MEGF11: variants seen among roughly 807,000 people sequenced by gnomAD.
The protein encoded by MEGF11 is multiple EGF like domains 11.
Under a neutral mutation model 146.6 loss-of-function variants are expected in MEGF11, and 126 were observed. The observed-to-expected ratio is 0.86, with a 90% CI of 0.74 to 1.00. The LOEUF is 1.00. Among genes scored for constraint, MEGF11 ranks in the 50% least tolerant of loss-of-function variants. The probability of loss-of-function intolerance (pLI) is 0.00; values close to 1 mark genes in which losing one functional copy is unlikely to be tolerated. For synonymous variants in MEGF11, 532 were observed against 583.4 expected (o/e 0.91, Z 1.27); for missense variants, 1,509 against 1,521.2 (o/e 0.99, Z 0.13).
chr15:66,145,176 G>C (rs1354583371), intron 1 of MEGF11, among the ~76,000 whole-genome samples: 1 of 152,110 alleles, frequency 6.6e-6, no homozygotes, highest in African/African-American at 2.4e-5. Context: ...CCAGAGCCTC[G>C]AGGTCTCCAC....
At chr15:66,046,821 A>G (rs994239945) in intron 5 of MEGF11, among the ~76,000 whole-genome samples, 1 of 152,086 alleles carries the variant, frequency 6.6e-6, no homozygotes, top group Non-Finnish European at 1.5e-5. Flanking sequence ...GTCCCTTATC[A>G]TATTTTTCCC....
At chr15:66,004,072 T>G (rs1031293905) in intron 5 of MEGF11, among the ~76,000 whole-genome samples, 15 of 152,150 alleles carry the variant, frequency 9.9e-5, no homozygotes, top group African/African-American at 3.6e-4. Context: ...ACTCAATATC[T>G]TGGAGCTGAG....
At chr15:66,096,734 G>A (rs1016952318) in intron 4 of MEGF11, among the ~76,000 whole-genome samples, 5 of 152,126 alleles carry the variant, frequency 3.3e-5, no homozygotes, top group Non-Finnish European at 5.9e-5. Flanking sequence ...TGAGAAGGAA[G>A]ACCACCCAAT....
chr15:66,024,172 C>T (rs751494820), intron 5 of MEGF11, among the ~76,000 whole-genome samples: 27 of 152,342 alleles, frequency 1.8e-4, no homozygotes, highest in Non-Finnish European at 3.1e-4. Flanking sequence ...GTACCCAAAC[C>T]AAAAGCTGGA....
chr15:66,148,055 C>T (rs1046431462), intron 1 of MEGF11, among the ~76,000 whole-genome samples: 6 of 151,930 alleles, frequency 3.9e-5, no homozygotes, highest in Non-Finnish European at 5.9e-5. Context: ...GGGAAAAGGC[C>T]GAAGCCATCT....
At chr15:66,150,615 T>TGGAAGGAAGGAAGGAAGGAA (rs139546795) in intron 1 of MEGF11, among the ~76,000 whole-genome samples, 2,753 of 146,476 alleles carry the variant, frequency 0.019, 51 homozygotes, top group Middle Eastern at 0.038. Context: ...GACTTATTAG[T>TGGAAGGAAGGAAGGAAGGAA]GGAAGGAAGG....
chr15:66,231,792 G>A (rs2091972669), intron 1 of MEGF11, among the ~76,000 whole-genome samples: 1 of 152,180 alleles, frequency 6.6e-6, no homozygotes, highest in Admixed American at 6.5e-5. Context: ...GTGACGACTT[G>A]GGTCATGGAA....
chr15:66,236,866 G>T (rs555028495), intron 1 of MEGF11, among the ~76,000 whole-genome samples: 6 of 152,294 alleles, frequency 3.9e-5, no homozygotes, highest in African/African-American at 1.4e-4. Flanking sequence ...GCCAAGATGG[G>T]CGGCCCGCTG....
intron 5 of MEGF11, among the ~76,000 whole-genome samples, chr15:65,993,368 C>T (rs1334336146): frequency 1.3e-5 from 2 of 152,198 alleles, no homozygotes; most frequent in African/African-American, 2.4e-5. Flanking sequence ...CCTCCACCCA[C>T]AGGCTTTTAA....
chr15:66,197,022 CA>C (rs1262833704), intron 1 of MEGF11, among the ~76,000 whole-genome samples: 1 of 152,200 alleles, frequency 6.6e-6, no homozygotes, highest in Non-Finnish European at 1.5e-5. Context: ...CCTTTTGTCA[CA>C]TAAACTATGT....
intron 10 of MEGF11, among the ~76,000 whole-genome samples, chr15:65,934,278 T>C (rs983160436): frequency 3.9e-5 from 6 of 152,202 alleles, no homozygotes; most frequent in African/African-American, 1.2e-4. Flanking sequence ...TGAGTCGGAG[T>C]TTCGCTCTTG....
At chr15:66,204,398 C>G (rs2091246997) in intron 1 of MEGF11, among the ~76,000 whole-genome samples, 1 of 151,918 alleles carries the variant, frequency 6.6e-6, no homozygotes, top group African/African-American at 2.4e-5. Context: ...GAACAAGACC[C>G]TGTCTCAAAA....
intron 5 of MEGF11, among the ~76,000 whole-genome samples, chr15:66,091,369 G>A (rs757003829): frequency 6.6e-6 from 1 of 152,184 alleles, no homozygotes; most frequent in African/African-American, 2.4e-5. Context: ...TTTAAGCAGA[G>A]CTCACTTTTC....
chr15:65,917,767 A>G (rs2079049062), intron 16 of MEGF11, among the ~76,000 whole-genome samples, 199 bp downstream of exon 16: 1 of 152,240 alleles, frequency 6.6e-6, no homozygotes, highest in Non-Finnish European at 1.5e-5. Context: ...AGTACCTTTG[A>G]TACCAGCAGT....
At chr15:66,031,664 G>A (rs1250266694) in intron 5 of MEGF11, among the ~76,000 whole-genome samples, 1 of 152,190 alleles carries the variant, frequency 6.6e-6, no homozygotes, top group East Asian at 1.9e-4. Flanking sequence ...TCCACATTCT[G>A]CCACCAATTC....
intron 1 of MEGF11, among the ~76,000 whole-genome samples, chr15:66,164,061 GT>G (rs1428644345): frequency 6.6e-6 from 1 of 152,138 alleles, no homozygotes; most frequent in African/African-American, 2.4e-5. Context: ...AGAGAAGGTT[GT>G]CTACCTGGGG....
intron 15 of MEGF11, among the ~76,000 whole-genome samples, chr15:65,920,515 A>G (rs2079140462): frequency 6.6e-6 from 1 of 152,170 alleles, no homozygotes; most frequent in South Asian, 2.1e-4. Context: ...CAAGAGTCTT[A>G]TCTTTGAAGT....
chr15:66,110,079 C>A, intron 4 of MEGF11, among the ~76,000 whole-genome samples: 1 of 152,148 alleles, frequency 6.6e-6, no homozygotes, highest in East Asian at 1.9e-4. Context: ...TTGTACCAAC[C>A]ACCGTGTGGC....
At chr15:66,177,361 C>T (rs1347707574) in intron 1 of MEGF11, among the ~76,000 whole-genome samples, 1 of 152,162 alleles carries the variant, frequency 6.6e-6, no homozygotes, top group Non-Finnish European at 1.5e-5. Flanking sequence ...AATGTATAGA[C>T]AATAATTATT....
Sources: allele counts gnomAD v4.1 joint callset (sites outside exome capture counted in the v4.1 genomes callset), GRCh38; gene constraint gnomAD v4.1.1; transcripts MANE v1.5; gene names NCBI Gene and HGNC (gene_info 2026-07-23, HGNC 2026-07-21).